The following MYO18B variants were observed in gnomAD, a reference collection of about 807,000 sequenced individuals.
MYO18B encodes the protein unconventional myosin-XVIIIb.
Under a neutral mutation model 273.0 loss-of-function variants are expected in MYO18B, and 204 were observed. That is an observed-to-expected ratio of 0.75 (90% confidence interval 0.67 to 0.84). The LOEUF (loss-of-function observed/expected upper bound fraction) is 0.84, where lower values mean the gene tolerates loss of function less well. MYO18B is among the 40% of genes least tolerant of loss of function. The probability of loss-of-function intolerance (pLI) is 0.00; values close to 1 mark genes in which losing one functional copy is unlikely to be tolerated. For synonymous variants in MYO18B, 1,330 were observed against 1,305.7 expected (o/e 1.02, Z -0.40); for missense variants, 3,212 against 3,287.6 (o/e 0.98, Z 0.56).
chr22:26,003,078 C>T (rs1255539030), intron 40 of MYO18B, among the ~76,000 whole-genome samples, 187 bp from the exon 41 acceptor site: 1 of 152,010 alleles, frequency 6.6e-6, no homozygotes, highest in Non-Finnish European at 1.5e-5. Flanking sequence ...ACAACAGAGC[C>T]CCATTATTTG....
At position 25,768,388 on chromosome 22, in the gene MYO18B, G is replaced by A; in HGVS notation, c.472G>A (p.Ala158Thr). 1 of 1,613,796 alleles carries A rather than the reference G, an allele frequency of 6.2e-7. No individual in the cohort carries two copies. The highest frequency in any genetic ancestry group is 8.5e-7 in the Non-Finnish European group (1 of 1,179,824). ...GAGGGGTGATGTGTTGTTGATGGTG[G>A]CCAAGCTGGACCCGGACTCAGCCAA... ...VRRGDVLLMV[A>T]KLDPDSAKPE... is the part of the protein sequence containing the mutation. The change falls in exon 4 of 44, where the codon GCC becomes ACC. Residue 158 changes from alanine (A) to threonine (T), a missense_variant. Ala to Thr is a moderately conservative substitution (Grantham distance 58). Transcript: ENST00000335473.
intron 34 of MYO18B, among the ~76,000 whole-genome samples, chr22:25,942,387 C>T (rs992155424): frequency 1.3e-5 from 2 of 152,272 alleles, no homozygotes; most frequent in Admixed American, 6.5e-5. Context: ...TTAGTCCAGG[C>T]TCTCCTGATG....
At chr22:25,959,223 C>T (rs1283330931) in intron 39 of MYO18B, 1 of 151,336 alleles carries the variant, frequency 6.6e-6, no homozygotes, top group African/African-American at 2.4e-5. Context: ...GTCACCACCA[C>T]AAGTCCATTT....
intron 21 of MYO18B, among the ~76,000 whole-genome samples, chr22:25,864,521 G>C (rs1328064518): frequency 2.6e-5 from 4 of 152,186 alleles, no homozygotes; most frequent in Admixed American, 6.5e-5. Context: ...AGGAGGAGAG[G>C]CTTGCTCAGG....
At chr22:25,932,037 T>A (rs1277062043) in intron 34 of MYO18B, among the ~76,000 whole-genome samples, 2 of 152,062 alleles carry the variant, frequency 1.3e-5, no homozygotes, top group Non-Finnish European at 2.9e-5. Context: ...ACGCCCAGCC[T>A]ATGCCCATTT....
chr22:26,052,959 C>T, the MYO18B span, among the ~76,000 whole-genome samples: 948 of 151,858 alleles, frequency 6.2e-3, 6 homozygotes, highest in African/African-American at 0.021. Flanking sequence ...CCTGCCACCA[C>T]GCCCAGCTAA....
intron 37 of MYO18B, among the ~76,000 whole-genome samples, chr22:25,951,437 G>T (rs149039318): frequency 3.4e-4 from 51 of 152,228 alleles, no homozygotes; most frequent in African/African-American, 1.2e-3. Context: ...ATTTACTCTT[G>T]GCCTGTGCTT....
At chr22:25,887,493 T>C (rs1303504506) in intron 25 of MYO18B, among the ~76,000 whole-genome samples, 1 of 152,172 alleles carries the variant, frequency 6.6e-6, no homozygotes, top group African/African-American at 2.4e-5. Flanking sequence ...ATAGAAAGAA[T>C]ATTTCTGTTG....
At chr22:26,047,266 A>G in the MYO18B span, among the ~76,000 whole-genome samples, 1 of 151,898 alleles carries the variant, frequency 6.6e-6, no homozygotes, top group Non-Finnish European at 1.5e-5. Flanking sequence ...AGCTGGGACT[A>G]CAGGCACCCG....
In MYO18B at chr22:25,817,393, C is replaced by CCCTT. The variant is rs1474836571; in HGVS notation, c.2522-6100_2522-6097dup. 5.0e-4 allele frequency among the ~76,000 whole-genome samples: 60 copies of CCCTT among 119,580 alleles called. 2 individuals carry two copies. In the Middle Eastern group the frequency reaches 0.012, roughly 23 times the overall value. The allele number at this position is 119,580 out of a possible 152,430, so 78.4% of individuals were successfully genotyped here. ...CTTCCTTCTCCCTCCCTCCCTCCCT[C>CCCTT]CCTTCCTTCCTTCCTCCCTCCCTCT... On this transcript the variant is annotated intron_variant, in intron 12 of 43. Coordinates refer to ENST00000335473, the MANE Select transcript of MYO18B (RefSeq NM_032608.7).
Position 25,823,717 on chromosome 22 carries a change from C to G in MYO18B, c.2695+39C>G, listed in dbSNP as rs1274772549. ...GCCTCTTTGGGTGAGCTGGGCCCCC[C>G]TCTGGGCCAGCTCCTGGGGATACAC... is the stretch of plus-strand genomic sequence containing the variant. On this transcript the variant is annotated intron_variant, in intron 13 of 43. Transcript: ENST00000335473. 8.1e-6 allele frequency: 13 copies of G among 1,605,104 alleles called. No homozygotes were observed. The Middle Eastern group carries it at 8.3e-4, about 102-fold the overall frequency.
intron 27 of MYO18B, among the ~76,000 whole-genome samples, chr22:25,893,260 C>A (rs1271668934): frequency 6.6e-6 from 1 of 152,020 alleles, no homozygotes; most frequent in Non-Finnish European, 1.5e-5. Context: ...TAAAGAGAAC[C>A]TTTTGTGATA....
rs1232265917 is a variant in MYO18B at position 25,902,719 on chromosome 22, C to T, written c.4930C>T (p.Leu1644Phe). 1 of 1,585,712 alleles carries T rather than the reference C, an allele frequency of 6.3e-7. No homozygotes were observed. Residue 1644 changes from leucine (L) to phenylalanine (F), a missense_variant, in exon 30 of 44, where the codon CTT (leucine) becomes TTT (phenylalanine). By Grantham distance (22) the Leu-to-Phe change is conservative. Transcript: ENST00000335473. The stretch of plus-strand genomic sequence containing the variant: ...CAGTGTCCGGTGGGAGCTAGGCCAG[C>T]TTCAGCAGCAGCTGAAGGTAAGGGA... ...NTSVRWELGQ[L>F]QQQLKQKEQE...
At chr22:25,970,115 C>G (rs2093021719) in intron 39 of MYO18B, among the ~76,000 whole-genome samples, 1 of 152,090 alleles carries the variant, frequency 6.6e-6, no homozygotes, top group Non-Finnish European at 1.5e-5. Flanking sequence ...TCATCATCAC[C>G]ATCACCATCA....
In MYO18B at chr22:25,873,088, G is replaced by A. The variant is rs142104483; in HGVS notation, c.3952-1198G>A. Among the ~76,000 whole-genome samples the A allele has an allele frequency of 4.5e-3, 692 of 152,228 alleles. 6 individuals carry two copies. Among genetic ancestry groups the A allele is most frequent in the African/African-American group, 0.015 (642 of 41,526 alleles). On this transcript the variant is annotated intron_variant, in intron 22 of 43. Transcript: ENST00000335473. ...TGGCAGGAGCAGGCCTGGCCCAGAA[G>A]CTTCAGGTTCTCGCAGAAAAGCATT...
At chr22:25,765,719 G>A (rs2743843) in intron 3 of MYO18B, among the ~76,000 whole-genome samples, 37,809 of 151,696 alleles carry the variant, frequency 0.25, 5,038 homozygotes, top group African/African-American at 0.34. Context: ...GGGACCAAAG[G>A]CTTTGATGAC....
chr22:25,746,015 T>C (rs1488045299), intron 1 of MYO18B, among the ~76,000 whole-genome samples: 1 of 152,174 alleles, frequency 6.6e-6, no homozygotes, highest in Non-Finnish European at 1.5e-5. Context: ...CCCCAGGTTA[T>C]CCAGGGTGAA....
chr22:25,849,934 A>G (rs983532806), intron 20 of MYO18B, among the ~76,000 whole-genome samples: 4 of 152,206 alleles, frequency 2.6e-5, no homozygotes, highest in Non-Finnish European at 5.9e-5. Context: ...TTGTTATCTC[A>G]TCTGACAAGT....
chr22:26,023,985 G>C (rs1386277679), intron 42 of MYO18B, among the ~76,000 whole-genome samples: 2 of 152,178 alleles, frequency 1.3e-5, no homozygotes, highest in African/African-American at 4.8e-5. Flanking sequence ...ACAAGAAATA[G>C]GAAAGGAGGG....
Sources: allele counts gnomAD v4.1 joint callset (sites outside exome capture counted in the v4.1 genomes callset), GRCh38; gene constraint gnomAD v4.1.1; transcripts MANE v1.5; gene names NCBI Gene and HGNC (gene_info 2026-07-23, HGNC 2026-07-21).